Variants in RSRC1 observed in about 807,000 individuals in gnomAD.
RSRC1 encodes the protein arginine and serine rich coiled-coil 1.
In RSRC1, 39 loss-of-function variants were observed where a neutral mutation model predicts 49.1. The observed-to-expected ratio is 0.79, with a 90% CI of 0.61 to 1.04. The LOEUF is 1.04. Among genes scored for constraint, RSRC1 ranks in the 50% least tolerant of loss-of-function variants. The probability of loss-of-function intolerance (pLI) is 0.00; values close to 1 mark genes in which losing one functional copy is unlikely to be tolerated. For missense variants in RSRC1, 388 were observed against 402.4 expected (o/e 0.96, Z 0.31); for synonymous variants, 143 against 130.8 (o/e 1.09, Z -0.63).
At chr3:158,344,180 AC>A (rs1730420089) in intron 5 of RSRC1, among the ~76,000 whole-genome samples, 1 of 152,050 alleles carries the variant, frequency 6.6e-6, no homozygotes, top group African/African-American at 2.4e-5. Flanking sequence ...AATTGCTTGA[AC>A]CCAGGAGGCT....
At chr3:158,278,415 GT>G (rs1725938574) in intron 4 of RSRC1, among the ~76,000 whole-genome samples, 1 of 152,172 alleles carries the variant, frequency 6.6e-6, no homozygotes, top group African/African-American at 2.4e-5. Context: ...ACATCAGGTT[GT>G]ACTGAATGAG....
intron 8 of RSRC1, among the ~76,000 whole-genome samples, chr3:158,540,887 T>C (rs1480476746): frequency 6.6e-6 from 1 of 152,178 alleles, no homozygotes; most frequent in Non-Finnish European, 1.5e-5. Context: ...GTGTAAGACA[T>C]TGTTTTCAGG....
intron 3 of RSRC1, among the ~76,000 whole-genome samples, chr3:158,188,580 T>A (rs1720056518): frequency 6.6e-6 from 1 of 151,996 alleles, no homozygotes; most frequent in East Asian, 1.9e-4. Flanking sequence ...AATCCTAGGC[T>A]GCCTATTGCA....
At chr3:158,163,431 C>G (rs1718355784) in intron 3 of RSRC1, among the ~76,000 whole-genome samples, 1 of 152,170 alleles carries the variant, frequency 6.6e-6, no homozygotes, top group Non-Finnish European at 1.5e-5. Context: ...GATTACTGCT[C>G]TGGGCTACTA....
intron 3 of RSRC1, among the ~76,000 whole-genome samples, chr3:158,172,944 T>G (rs1420647205): frequency 6.6e-6 from 1 of 152,068 alleles, no homozygotes; most frequent in Non-Finnish European, 1.5e-5. Flanking sequence ...TTTTATCCCC[T>G]TTGTAAGAAA....
At chr3:158,358,226 A>C (rs6776674) in intron 6 of RSRC1, among the ~76,000 whole-genome samples, 11,197 of 152,240 alleles carry the variant, frequency 0.074, 1,420 homozygotes, top group African/African-American at 0.26. Flanking sequence ...AAACTATTAC[A>C]TATTTGTACT....
At chr3:158,298,167 T>C in intron 5 of RSRC1, 92 bp downstream of exon 5, 1 of 957,004 alleles carries the variant, frequency 1.0e-6, no homozygotes, top group Non-Finnish European at 1.7e-6. Flanking sequence ...TACTTTGTAT[T>C]GAGAAAGTCA....
rs1028957753 is a variant in RSRC1, at chr3:158,146,629, T to G, written c.320+22638T>G. Among the ~76,000 whole-genome samples, 186 of 152,334 alleles carry G rather than the reference T, an allele frequency of 1.2e-3. 1 individual carries two copies. Among genetic ancestry groups the G allele is most frequent in the Non-Finnish European group, 1.5e-3 (101 of 68,022 alleles). On this transcript the variant is annotated intron_variant, in intron 3 of 9. Coordinates refer to ENST00000611884, the MANE Select transcript of RSRC1 (RefSeq NM_001271838.2). Reference sequence around the variant, plus strand: ...TCTCTGCCAGGCTTTGGTATCAGGATGATGCTGGCCTCATAAAATGAGTTA... The same window carrying G: ...TCTCTGCCAGGCTTTGGTATCAGGAGGATGCTGGCCTCATAAAATGAGTTA...
intron 6 of RSRC1, among the ~76,000 whole-genome samples, chr3:158,390,636 A>G (rs1733230502): frequency 2.0e-5 from 3 of 152,138 alleles, no homozygotes; most frequent in Admixed American, 2.0e-4. Flanking sequence ...TAAATACAAT[A>G]ATATTATTGT....
chr3:158,518,681 A>G (rs537366230), intron 7 of RSRC1, among the ~76,000 whole-genome samples: 2 of 152,178 alleles, frequency 1.3e-5, no homozygotes, highest in African/African-American at 4.8e-5. Flanking sequence ...AAAATCACCA[A>G]TACTCTCTAA....
At chr3:158,359,181 A>G (rs368228879) in intron 6 of RSRC1, among the ~76,000 whole-genome samples, 1 of 152,114 alleles carries the variant, frequency 6.6e-6, no homozygotes, top group East Asian at 1.9e-4. Context: ...CACCAATAGC[A>G]GTGTATAAAA....
intron 6 of RSRC1, among the ~76,000 whole-genome samples, chr3:158,447,850 A>G (rs911168008): frequency 6.6e-6 from 1 of 151,916 alleles, no homozygotes; most frequent in Admixed American, 6.6e-5. Context: ...AGAAACTATC[A>G]CATCCCATCC....
At position 158,297,992 on chromosome 3, in the gene RSRC1, A is replaced by T. The variant is rs778683609; in HGVS notation, c.495-47A>T. 10 of 1,344,348 alleles carry T rather than the reference A, an allele frequency of 7.4e-6. No individual in the cohort carries two copies. In the East Asian group the frequency reaches 2.3e-4, roughly 31 times the overall value. The allele number at this position is 1,344,348 out of a possible 1,614,324, so 83.3% of individuals were successfully genotyped here. A position where few individuals can be genotyped will look rare whatever the true frequency, so the allele number is the denominator to read the frequency against. ...ATTTTTGAGGTAAACAAATTAGAGC[A>T]GACAAGGATTTAGCAACTATTTAGA... On this transcript the variant is annotated intron_variant, in intron 4 of 9. Coordinates refer to ENST00000611884, the MANE Select transcript of RSRC1 (RefSeq NM_001271838.2).
intron 4 of RSRC1, among the ~76,000 whole-genome samples, chr3:158,297,655 G>A (rs1449867980): frequency 6.6e-6 from 1 of 151,840 alleles, no homozygotes; most frequent in Admixed American, 6.6e-5. Flanking sequence ...AATCTGGGTG[G>A]TGGATAGAAT....
chr3:158,321,443 G>T, intron 5 of RSRC1, among the ~76,000 whole-genome samples: 1 of 151,718 alleles, frequency 6.6e-6, no homozygotes, highest in East Asian at 1.9e-4. Context: ...AATTTTATTG[G>T]AATATTTTAT....
chr3:158,490,101 T>C (rs940520765), intron 7 of RSRC1, among the ~76,000 whole-genome samples: 1 of 152,350 alleles, frequency 6.6e-6, no homozygotes, highest in Non-Finnish European at 1.5e-5. Flanking sequence ...TGTTTTGTTT[T>C]TGAGACAGAG....
chr3:158,501,863 A>C (rs1052804241), intron 7 of RSRC1, among the ~76,000 whole-genome samples: 3 of 152,120 alleles, frequency 2.0e-5, no homozygotes, highest in African/African-American at 7.2e-5. Context: ...GTTAGTATTG[A>C]GATGTGAGGT....
At chr3:158,515,224 C>T (rs987240321) in intron 7 of RSRC1, among the ~76,000 whole-genome samples, 11 of 152,112 alleles carry the variant, frequency 7.2e-5, no homozygotes, top group African/African-American at 2.7e-4. Context: ...CATGATTTTG[C>T]AGCGGCTGAT....
intron 3 of RSRC1, among the ~76,000 whole-genome samples, chr3:158,125,600 G>T (rs1479332400): frequency 6.6e-6 from 1 of 152,056 alleles, no homozygotes; most frequent in Non-Finnish European, 1.5e-5. Context: ...TATGATTTCG[G>T]TCTTATTAAA....
Sources: allele counts gnomAD v4.1 joint callset (sites outside exome capture counted in the v4.1 genomes callset), GRCh38; gene constraint gnomAD v4.1.1; transcripts MANE v1.5; gene names NCBI Gene and HGNC (gene_info 2026-07-23, HGNC 2026-07-21).